COL26A1: variants seen among roughly 807,000 people sequenced by gnomAD.
COL26A1 encodes collagen alpha-1(XXVI) chain.
A neutral mutation model predicts 59.3 loss-of-function variants in COL26A1; 41 were observed. The ratio of observed to expected loss-of-function variants is 0.69; its 90% CI spans 0.54 to 0.90. The LOEUF is 0.90. COL26A1 is among the 40% of genes least tolerant of loss of function. COL26A1 has a pLI of 0.00. For missense variants in COL26A1, 612 were observed against 602.3 expected (o/e 1.02, Z -0.17); for synonymous variants, 266 against 256.0 (o/e 1.04, Z -0.37).
In COL26A1 at chr7:101,489,813, T is replaced by C. The variant is rs1563008028; in HGVS notation, c.385+42026T>C. ...TTCTTTCTTTCTTTCTTTCTTTCTTTCTTTCTTTCTTTCTTTCTTTCTTTC... is the reference window on the plus strand; with the variant it reads ...TTCTTTCTTTCTTTCTTTCTTTCTTCCTTTCTTTCTTTCTTTCTTTCTTTC... On this transcript the variant is annotated intron_variant, in intron 3 of 12. Transcript: ENST00000313669. 3.8e-3 allele frequency among the ~76,000 whole-genome samples: 14 copies of C among 3,724 alleles called. 1 individual carries two copies. Among genetic ancestry groups the C allele is most frequent in the Non-Finnish European group, 5.0e-3 (10 of 2,002 alleles). 2.4% of individuals were successfully genotyped at this position (3,724 alleles called of 152,430 possible).
chr7:101,419,395 A>G (rs930712342), intron 1 of COL26A1, among the ~76,000 whole-genome samples: 1 of 152,054 alleles, frequency 6.6e-6, no homozygotes, highest in Admixed American at 6.6e-5. Flanking sequence ...TACAAGTGTG[A>G]GCCACTGTGC....
At chr7:101,411,987 G>A (rs1475064598) in intron 1 of COL26A1, among the ~76,000 whole-genome samples, 9 of 152,074 alleles carry the variant, frequency 5.9e-5, no homozygotes, top group Non-Finnish European at 1.0e-4. Flanking sequence ...ACTCAGGCTC[G>A]GGACTCAAGT....
chr7:101,502,648 A>G (rs1046767818), intron 3 of COL26A1, among the ~76,000 whole-genome samples: 2 of 152,174 alleles, frequency 1.3e-5, no homozygotes, highest in Admixed American at 1.3e-4. Flanking sequence ...GGGGGGACCC[A>G]GGAAAGGGGC....
intron 1 of COL26A1, among the ~76,000 whole-genome samples, chr7:101,383,276 CA>C (rs1260119537): frequency 6.7e-6 from 1 of 150,342 alleles, no homozygotes; most frequent in South Asian, 2.1e-4. Context: ...TGTGAATTTT[CA>C]AAAAATTATT....
At position 101,451,707 on chromosome 7, in the gene COL26A1, C is replaced by CTTTTT. The variant is rs60481013; in HGVS notation, c.385+3933_385+3937dup. 3.6e-5 allele frequency among the ~76,000 whole-genome samples: 5 copies of CTTTTT among 139,162 alleles called. 1 individual carries two copies. Among genetic ancestry groups the CTTTTT allele is most frequent in the African/African-American group, 1.0e-4 (4 of 38,142 alleles). 91.3% of individuals were successfully genotyped at this position (139,162 alleles called of 152,430 possible). A position where few individuals can be genotyped will look rare whatever the true frequency, so the allele number is the denominator to read the frequency against. ...TCTACTGAAAAGAAATCATTTGCAT[C>CTTTTT]TTTTTTTTTTTTTTTTTGACGGAGT... On this transcript the variant is annotated intron_variant, in intron 3 of 12. Coordinates refer to ENST00000313669, the MANE Select transcript of COL26A1 (RefSeq NM_001278563.3).
chr7:101,382,686 T>C (rs887873035), intron 1 of COL26A1, among the ~76,000 whole-genome samples: 1 of 152,154 alleles, frequency 6.6e-6, no homozygotes, highest in Non-Finnish European at 1.5e-5. Flanking sequence ...AAATCATCTT[T>C]TCTAGGTTTA....
chr7:101,520,611 T>C (rs1795119394), intron 3 of COL26A1, among the ~76,000 whole-genome samples: 1 of 129,494 alleles, frequency 7.7e-6, no homozygotes, highest in South Asian at 2.4e-4. Context: ...GAGAACCAGG[T>C]TGACAGACAA....
chr7:101,374,110 T>C (rs1174883061), intron 1 of COL26A1, among the ~76,000 whole-genome samples: 1 of 152,204 alleles, frequency 6.6e-6, no homozygotes, highest in Non-Finnish European at 1.5e-5. Flanking sequence ...AACATACACA[T>C]GCCGTGCTGT....
At chr7:101,504,557 C>T (rs1287780066) in intron 3 of COL26A1, among the ~76,000 whole-genome samples, 1 of 152,166 alleles carries the variant, frequency 6.6e-6, no homozygotes, top group Non-Finnish European at 1.5e-5. Context: ...GAGCTGTGAC[C>T]CCAAAGTTGC....
chr7:101,498,999 T>G (rs1794645739), intron 3 of COL26A1, among the ~76,000 whole-genome samples: 1 of 152,194 alleles, frequency 6.6e-6, no homozygotes, highest in Non-Finnish European at 1.5e-5. Context: ...GGAGCTCACG[T>G]TCCCTGAAGG....
intron 3 of COL26A1, among the ~76,000 whole-genome samples, chr7:101,517,798 A>AT (rs869245512): frequency 0.045 from 3,404 of 76,434 alleles, 439 homozygotes; most frequent in Non-Finnish European, 0.055. Context: ...TTCTCCCCGC[A>AT]TTTTTTTTTT....
At chr7:101,419,261 C>T (rs1298379922) in intron 1 of COL26A1, among the ~76,000 whole-genome samples, 5 of 151,966 alleles carry the variant, frequency 3.3e-5, no homozygotes, top group African/African-American at 1.2e-4. Flanking sequence ...TGTGTGCCAC[C>T]ACGCCTGGGC....
Position 101,520,532 on chromosome 7 carries a change from T to A in COL26A1, c.386-12550T>A, listed in dbSNP as rs1038067584. On this transcript the variant is annotated intron_variant, in intron 3 of 12. Transcript: ENST00000313669. ...GACTTCGTCTGTACAAAAAAATTTT[T>A]AAAAATTAGCTGGGCATGGTGGTGC... Among the ~76,000 whole-genome samples the A allele has an allele frequency of 5.9e-5, 9 of 151,910 alleles. 1 individual carries two copies. Among genetic ancestry groups the A allele is most frequent in the South Asian group, 2.1e-4 (1 of 4,824 alleles).
chr7:101,418,155 G>A (rs746396631), intron 1 of COL26A1, among the ~76,000 whole-genome samples: 2 of 151,960 alleles, frequency 1.3e-5, no homozygotes, highest in South Asian at 2.1e-4. Context: ...GTGAGCCACC[G>A]CACTCAGCCT....
chr7:101,538,146 T>G (rs533637621), intron 4 of COL26A1, among the ~76,000 whole-genome samples: 34 of 152,254 alleles, frequency 2.2e-4, no homozygotes, highest in Non-Finnish European at 3.8e-4. Context: ...TCACGTGACC[T>G]GACAGCCACC....
chr7:101,552,884 G>A (rs1795889066), intron 10 of COL26A1, among the ~76,000 whole-genome samples: 1 of 152,228 alleles, frequency 6.6e-6, no homozygotes, highest in African/African-American at 2.4e-5. Flanking sequence ...CCCAGCCTGG[G>A]TGACAAGAGT....
chr7:101,525,855 C>G (rs1795236498), intron 3 of COL26A1, among the ~76,000 whole-genome samples: 1 of 152,066 alleles, frequency 6.6e-6, no homozygotes, highest in Non-Finnish European at 1.5e-5. Flanking sequence ...CTTTGACCCC[C>G]CTCCTACATG....
chr7:101,490,260 A>G (rs1794429812), intron 3 of COL26A1, among the ~76,000 whole-genome samples: 1 of 151,938 alleles, frequency 6.6e-6, no homozygotes, highest in Admixed American at 6.6e-5. Context: ...AAGTAGAGAC[A>G]AAGTCTCAGT....
At chr7:101,478,711 A>G (rs1341911796) in intron 3 of COL26A1, among the ~76,000 whole-genome samples, 1 of 152,194 alleles carries the variant, frequency 6.6e-6, no homozygotes, top group Admixed American at 6.5e-5. Flanking sequence ...AAAGTCAGGT[A>G]TCCTGTATGC....
Sources: gnomAD v4.1 joint callset for allele counts (sites outside exome capture counted in the v4.1 genomes callset) on GRCh38, gnomAD v4.1.1 for gene constraint, MANE v1.5 for transcripts, NCBI Gene and HGNC (gene_info 2026-07-23, HGNC 2026-07-21) for gene names.